The following PPP4R1 variants were observed in gnomAD, a reference collection of about 807,000 sequenced individuals.
The protein encoded by PPP4R1 is serine/threonine-protein phosphatase 4 regulatory subunit 1.
PPP4R1 carries 42 observed loss-of-function variants against 111.2 expected under a neutral mutation model. That is an observed-to-expected ratio of 0.38 (90% CI 0.29 to 0.49). The LOEUF (loss-of-function observed/expected upper bound fraction) is 0.49. PPP4R1 is among the 20% of genes least tolerant of loss of function. The probability of loss-of-function intolerance (pLI) is 0.97; values close to 1 mark genes in which losing one functional copy is unlikely to be tolerated. For synonymous variants in PPP4R1, 409 were observed against 405.5 expected (o/e 1.01, Z -0.10); for missense variants, 1,012 against 1,161.6 (o/e 0.87, Z 1.87).
At chr18:9,612,371 T>TA (rs2067596866) in intron 2 of PPP4R1, 1 of 152,246 alleles carries the variant, frequency 6.6e-6, no homozygotes, top group Non-Finnish European at 1.5e-5. Flanking sequence ...TGTAATACTG[T>TA]ACTGTACACC....
At chr18:9,604,943 C>T (rs1393801065) in intron 2 of PPP4R1, among the ~76,000 whole-genome samples, 1 of 152,182 alleles carries the variant, frequency 6.6e-6, no homozygotes, top group African/African-American at 2.4e-5. Flanking sequence ...TATTCACAAG[C>T]ACATTAGCAT....
At chr18:9,596,311 C>T (rs1486226124) in intron 2 of PPP4R1, among the ~76,000 whole-genome samples, 1 of 152,160 alleles carries the variant, frequency 6.6e-6, no homozygotes, top group African/African-American at 2.4e-5. Flanking sequence ...CAGGGCCTTT[C>T]CCAAAGCCCT....
At position 9,557,201 on chromosome 18, in the gene PPP4R1, CA is replaced by C; in HGVS notation, c.2190+19del. On this transcript the variant is annotated intron_variant, in intron 15 of 19. Transcript: ENST00000400556. ...GGCAGAATTTTGTTGTGTTTTTATG[CA>C]AAAAAATTTAAAAGTTACCTTCAGA... The C allele has an allele frequency of 1.9e-6, 3 of 1,551,984 alleles. No individual in the cohort carries two copies. Among genetic ancestry groups the C allele is most frequent in the Non-Finnish European group, 2.6e-6 (3 of 1,154,142 alleles).
intron 2 of PPP4R1, among the ~76,000 whole-genome samples, chr18:9,608,673 T>G (rs1374878781): frequency 6.6e-6 from 1 of 152,184 alleles, no homozygotes; most frequent in African/African-American, 2.4e-5. Flanking sequence ...AACACTAAGT[T>G]AGGTTTATTC....
intron 8 of PPP4R1, 68 bp from the exon 9 acceptor site, chr18:9,583,343 C>CCT: frequency 7.5e-7 from 1 of 1,338,824 alleles, no homozygotes; most frequent in Non-Finnish European, 1.0e-6. Context: ...ACTTCGCTTT[C>CCT]ATTTTCTGCT....
chr18:9,571,006 G>C (rs2066853653), intron 10 of PPP4R1, among the ~76,000 whole-genome samples: 1 of 152,066 alleles, frequency 6.6e-6, no homozygotes, highest in Admixed American at 6.5e-5. Context: ...AAAAGTAGTG[G>C]AAACAGAAAT....
chr18:9,589,958 G>A (rs1411946730), intron 4 of PPP4R1: 1 of 152,078 alleles, frequency 6.6e-6, no homozygotes, highest in African/African-American at 2.4e-5. Flanking sequence ...CAGTTAAAAG[G>A]GAAAACAGCC....
chr18:9,560,943 C>A (rs983420210), intron 13 of PPP4R1, among the ~76,000 whole-genome samples: 4 of 151,924 alleles, frequency 2.6e-5, no homozygotes, highest in Admixed American at 2.6e-4. Flanking sequence ...TAAGGCTGGG[C>A]ACGGTAGCTC....
chr18:9,555,216 A>G (rs1461761367), intron 15 of PPP4R1, among the ~76,000 whole-genome samples: 1 of 152,100 alleles, frequency 6.6e-6, no homozygotes, highest in East Asian at 1.9e-4. Flanking sequence ...TGGGAGGATC[A>G]TCTGAGCTGG....
At chr18:9,576,872 A>G (rs2066944489) in intron 10 of PPP4R1, among the ~76,000 whole-genome samples, 192 bp downstream of exon 10, 1 of 150,626 alleles carries the variant, frequency 6.6e-6, no homozygotes, top group Non-Finnish European at 1.5e-5. Context: ...TATGTAACCA[A>G]CCAAAGAGAT....
chr18:9,573,833 A>C (rs1276561265), intron 10 of PPP4R1, among the ~76,000 whole-genome samples: 1 of 152,208 alleles, frequency 6.6e-6, no homozygotes, highest in Non-Finnish European at 1.5e-5. Context: ...ATGACTGGTC[A>C]AATAACTGTT....
chr18:9,579,475 A>G (rs951486382), intron 9 of PPP4R1, among the ~76,000 whole-genome samples: 1 of 151,618 alleles, frequency 6.6e-6, no homozygotes, highest in African/African-American at 2.4e-5. Context: ...ACAAAAGACT[A>G]TCTTGTCTTT....
intron 11 of PPP4R1, among the ~76,000 whole-genome samples, chr18:9,569,372 G>A (rs1036533961): frequency 6.6e-5 from 10 of 152,158 alleles, no homozygotes; most frequent in African/African-American, 1.7e-4. Flanking sequence ...CCCCACGCCC[G>A]AGACAGAGTC....
chr18:9,579,481 T>A (rs1373655279), intron 9 of PPP4R1, among the ~76,000 whole-genome samples: 2 of 152,200 alleles, frequency 1.3e-5, no homozygotes, highest in Admixed American at 6.5e-5. Flanking sequence ...GACTATCTTG[T>A]CTTTTTTTTG....
intron 15 of PPP4R1, among the ~76,000 whole-genome samples, chr18:9,556,498 GT>G (rs952958429): frequency 6.6e-6 from 1 of 152,102 alleles, no homozygotes. Context: ...CAGCCTCAGT[GT>G]TTTTTAAAAG....
chr18:9,563,255 A>C, intron 12 of PPP4R1, 123 bp downstream of exon 12: 1 of 1,293,770 alleles, frequency 7.7e-7, no homozygotes, highest in South Asian at 1.5e-5. Flanking sequence ...CAAAACGAAG[A>C]GCTAAAAAAT....
intron 2 of PPP4R1, among the ~76,000 whole-genome samples, chr18:9,611,768 T>G (rs1403937892): frequency 2.6e-5 from 4 of 152,032 alleles, no homozygotes; most frequent in African/African-American, 9.7e-5. Flanking sequence ...TCCCAGCACT[T>G]TGGGAGGCCA....
chr18:9,613,501 C>G (rs767532475), intron 2 of PPP4R1: 1 of 152,104 alleles, frequency 6.6e-6, no homozygotes, highest in South Asian at 2.1e-4. Flanking sequence ...AAAATAAAAG[C>G]GTCAACTCTT....
intron 4 of PPP4R1, among the ~76,000 whole-genome samples, chr18:9,591,508 A>G (rs948724917): frequency 2.6e-4 from 40 of 152,304 alleles, no homozygotes; most frequent in South Asian, 1.9e-3. Flanking sequence ...GGGAATAAAA[A>G]AATCAAGATA....
Sources: gnomAD v4.1 joint callset for allele counts (sites outside exome capture counted in the v4.1 genomes callset) on GRCh38, gnomAD v4.1.1 for gene constraint, MANE v1.5 for transcripts, NCBI Gene and HGNC (gene_info 2026-07-23, HGNC 2026-07-21) for gene names.